The following ADPRM variants were observed in gnomAD, a reference collection of about 807,000 sequenced individuals.
The protein encoded by ADPRM is manganese-dependent ADP-ribose/CDP-alcohol diphosphatase.
A neutral mutation model predicts 27.2 loss-of-function variants in ADPRM; 17 were observed. That is an observed-to-expected ratio of 0.63 (90% confidence interval 0.43 to 0.94). The LOEUF is 0.94. ADPRM is among the 40% of genes least tolerant of loss of function. The pLI is 0.00. For missense variants in ADPRM, 337 were observed against 412.8 expected (o/e 0.82, Z 1.59); for synonymous variants, 135 against 145.3 (o/e 0.93, Z 0.51).
chr17:10,697,732 G>A (rs1014580497), intron 1 of ADPRM, 65 bp downstream of exon 1: 3 of 629,304 alleles, frequency 4.8e-6, no homozygotes, highest in Non-Finnish European at 8.3e-6. Flanking sequence ...GGGGCCGCGG[G>A]ACAGCGGAGC....
chr17:10,711,295 G>GA lies in ADPRM; in HGVS notation c.*154dup. The GA allele has an allele frequency of 4.3e-6, 3 of 692,356 alleles. No individual in the cohort carries two copies. Among genetic ancestry groups the GA allele is most frequent in the Non-Finnish European group, 7.1e-6 (3 of 425,306 alleles). 42.9% of individuals were successfully genotyped at this position (692,356 alleles called of 1,614,324 possible). On this transcript the variant is annotated 3_prime_UTR_variant, in exon 4 of 4. Coordinates refer to ENST00000379774, the MANE Select transcript of ADPRM (RefSeq NM_020233.5). ...TGTGTGATGGTTGATAAAATACTCA[G>GA]AAATGTTATTTTGGATCATGTATCC...
At chr17:10,706,389 A>G in intron 2 of ADPRM, 49 bp from the exon 3 acceptor site, 1 of 1,338,758 alleles carries the variant, frequency 7.5e-7, no homozygotes, top group South Asian at 1.3e-5. Context: ...GAATGTCCAA[A>G]TGAGGGGAAA....
intron 1 of ADPRM, among the ~76,000 whole-genome samples, chr17:10,703,766 C>G (rs895399701): frequency 6.6e-6 from 1 of 152,146 alleles, no homozygotes; most frequent in Non-Finnish European, 1.5e-5. Flanking sequence ...TCAGACACCA[C>G]AGCAACAGTT....
chr17:10,703,321 T>C (rs996242369), intron 1 of ADPRM, among the ~76,000 whole-genome samples: 1 of 152,108 alleles, frequency 6.6e-6, no homozygotes, highest in African/African-American at 2.4e-5. Context: ...TGACTTGATA[T>C]CTAATGAGAT....
At chr17:10,698,065 A>G (rs1014633679) in intron 1 of ADPRM, 9 of 154,976 alleles carry the variant, frequency 5.8e-5, no homozygotes, top group African/African-American at 2.2e-4. Flanking sequence ...ACTTAAAAAA[A>G]ATTGCTAATT....
chr17:10,704,207 A>G (rs1483630998), intron 1 of ADPRM, among the ~76,000 whole-genome samples: 3 of 152,130 alleles, frequency 2.0e-5, no homozygotes, highest in African/African-American at 7.2e-5. Context: ...AAACAAAGCA[A>G]ATTTTAATCC....
chr17:10,701,584 C>T (rs928452888), intron 1 of ADPRM, among the ~76,000 whole-genome samples: 1 of 152,188 alleles, frequency 6.6e-6, no homozygotes, highest in African/African-American at 2.4e-5. Flanking sequence ...CCACCTTGGC[C>T]TCCCAAAGTG....
chr17:10,697,964 T>G (rs2074746631), intron 1 of ADPRM: 1 of 171,962 alleles, frequency 5.8e-6, no homozygotes, highest in Non-Finnish European at 1.2e-5. Context: ...TTTGTCAACC[T>G]CGTCCTGCCG....
At chr17:10,707,360 C>G (rs1481817572) in intron 3 of ADPRM, among the ~76,000 whole-genome samples, 1 of 152,004 alleles carries the variant, frequency 6.6e-6, no homozygotes, top group African/African-American at 2.4e-5. Context: ...GGTGACAAAG[C>G]AAGACCCTAT....
In ADPRM at chr17:10,711,373, C is replaced by T; in HGVS notation, c.*229C>T. ...GAAACTGAGGCAGGGGTGTATAGTC[C>T]TCATAAGGGGCATATAGTCCTCATG... On this transcript the variant is annotated 3_prime_UTR_variant, in exon 4 of 4. Coordinates refer to ENST00000379774, the MANE Select transcript of ADPRM (RefSeq NM_020233.5). The T allele has an allele frequency of 4.0e-6, 2 of 502,636 alleles. No individual in the cohort carries two copies. Among genetic ancestry groups the T allele is most frequent in the Non-Finnish European group, 7.1e-6 (2 of 281,128 alleles). The allele number at this position is 502,636 out of a possible 1,614,324, so 31.1% of individuals were successfully genotyped here. A position where few individuals can be genotyped will look rare whatever the true frequency, so the allele number is the denominator to read the frequency against.
chr17:10,706,636 T>C, intron 3 of ADPRM, 82 bp downstream of exon 3: 1 of 962,218 alleles, frequency 1.0e-6, no homozygotes, highest in Non-Finnish European at 1.5e-6. Flanking sequence ...ACAATATTTG[T>C]GTTTCGATAT....
intron 1 of ADPRM, among the ~76,000 whole-genome samples, chr17:10,701,523 G>A (rs1301641257): frequency 6.6e-6 from 1 of 152,050 alleles, no homozygotes; most frequent in South Asian, 2.1e-4. Context: ...TAGAGATGGG[G>A]TTTCACCATG....
intron 1 of ADPRM, among the ~76,000 whole-genome samples, chr17:10,701,879 T>C (rs1254155362): frequency 6.6e-6 from 1 of 152,182 alleles, no homozygotes; most frequent in Non-Finnish European, 1.5e-5. Flanking sequence ...CCCCTACATG[T>C]CCCTGAACCA....
chr17:10,704,782 C>T lies in ADPRM; in HGVS notation c.-17-128C>T, dbSNP rs940424642. 7 of 725,210 alleles carry T rather than the reference C, an allele frequency of 9.7e-6. No individual in the cohort carries two copies. In the African/African-American group the frequency reaches 1.2e-4, roughly 13 times the overall value. The allele number at this position is 725,210 out of a possible 1,614,324, so 44.9% of individuals were successfully genotyped here. ...ACCTAAGACTGTTGGGCTCTAAAGC[C>T]CACGTACTTTTTCCTGTACCAAGCT... On this transcript the variant is annotated intron_variant, in intron 1 of 3. Coordinates refer to ENST00000379774, the MANE Select transcript of ADPRM (RefSeq NM_020233.5).
rs149930296 is a variant in ADPRM at position 10,704,785 on chromosome 17, C to T, written c.-17-125C>T. The T allele has an allele frequency of 6.9e-4, 524 of 757,516 alleles. 3 individuals are homozygous for T. The African/African-American group carries it at 8.4e-3, about 12-fold the overall frequency. The allele number at this position is 757,516 out of a possible 1,614,324, so 46.9% of individuals were successfully genotyped here. On this transcript the variant is annotated intron_variant, in intron 1 of 3. Coordinates refer to ENST00000379774, the MANE Select transcript of ADPRM (RefSeq NM_020233.5). ...TAAGACTGTTGGGCTCTAAAGCCCA[C>T]GTACTTTTTCCTGTACCAAGCTGCC...
intron 1 of ADPRM, among the ~76,000 whole-genome samples, chr17:10,700,434 A>T (rs1197685094): frequency 6.6e-6 from 1 of 151,972 alleles, no homozygotes; most frequent in African/African-American, 2.4e-5. Context: ...GCTTGAGACC[A>T]GCCTGGGCAA....
At chr17:10,700,633 A>G (rs1174063153) in intron 1 of ADPRM, among the ~76,000 whole-genome samples, 2 of 151,666 alleles carry the variant, frequency 1.3e-5, no homozygotes. Flanking sequence ...GTGTGGTGGT[A>G]CATGCCTGTA....
Position 10,702,151 on chromosome 17 carries a change from T to C in ADPRM, c.-17-2759T>C, listed in dbSNP as rs4369722. Among the ~76,000 whole-genome samples, 65,997 of 152,090 alleles carry C rather than the reference T, an allele frequency of 0.43. 14,534 individuals are homozygous for C. The highest frequency in any genetic ancestry group is 0.46 in the African/African-American group (18,915 of 41,468). On this transcript the variant is annotated intron_variant, in intron 1 of 3. Transcript: ENST00000379774. The surrounding 1 kb of genome is among the most constrained non-coding windows in gnomAD (Gnocchi z 4.2). ...TGAAAAAGTCCGAAATCTAAAACAC[T>C]TCTGGTCCCAAGCATTTTGGATAAG...
chr17:10,706,474 G>A lies in ADPRM; in HGVS notation c.638G>A (p.Gly213Glu). 6.2e-7 allele frequency: 1 copy of A among 1,601,420 alleles called. No homozygotes were observed. Among genetic ancestry groups the A allele is most frequent in the Middle Eastern group, 1.7e-4 (1 of 6,044 alleles). Reference protein sequence around the residue: ...SEPQFVQFNGGFSQEQLNWLN... With the variant: ...SEPQFVQFNGEFSQEQLNWLN... ...CCCCAGTTTGTCCAGTTTAATGGAG[G>A]ATTCAGCCAAGAACAGCTAAACTGG... The change falls in exon 3 of 4, where the codon GGA (glycine) becomes GAA (glutamate). Residue 213 changes from glycine (G) to glutamate (E), a missense_variant. Gly to Glu is a moderately conservative substitution (Grantham distance 98, BLOSUM62 -2). Coordinates refer to ENST00000379774, the MANE Select transcript of ADPRM (RefSeq NM_020233.5).
Sources: gnomAD v4.1 joint callset for allele counts (sites outside exome capture counted in the v4.1 genomes callset) on GRCh38, gnomAD v4.1.1 for gene constraint, Gnocchi (gnomAD v3.1) non-coding constraint, MANE v1.5 for transcripts, NCBI Gene and HGNC (gene_info 2026-07-23, HGNC 2026-07-21) for gene names.